HELQ: variants seen among roughly 807,000 people sequenced by gnomAD.
HELQ encodes helicase POLQ-like.
HELQ carries 77 observed loss-of-function variants against 111.6 expected under a neutral mutation model. The ratio of observed to expected loss-of-function variants is 0.69; its 90% CI spans 0.57 to 0.83. The LOEUF (loss-of-function observed/expected upper bound fraction) is 0.83, where lower values mean the gene tolerates loss of function less well. HELQ is among the 40% of genes least tolerant of loss of function. HELQ has a pLI of 0.00. For missense variants in HELQ, 1,200 were observed against 1,288.5 expected (o/e 0.93, Z 1.05); for synonymous variants, 438 against 454.7 (o/e 0.96, Z 0.47).
rs753086855 is a variant in HELQ, at chr4:83,453,334, C to G, written c.909G>C (p.Lys303Asn). The part of the protein sequence containing the change: ...TLLSEEINVA[K>N]KTVESSSNDL... The stretch of plus-strand genomic sequence containing the variant: ...CATTTGATGATGACTCAACTGTTTT[C>G]TTAGCAACATTAATTTCCTCAGATA... Residue 303 changes from lysine (K) to asparagine (N), a missense_variant, in exon 2 of 18, where the codon AAG becomes AAC. Lys to Asn is a moderately conservative substitution (Grantham distance 94). Around this residue, in one of 3 missense-constraint regions of HELQ, gnomAD observed 610 missense variants for 607.1 expected, o/e 1.00. Transcript: ENST00000295488. The G allele has an allele frequency of 6.2e-7, 1 of 1,613,644 alleles. No individual in the cohort carries two copies. Among genetic ancestry groups the G allele is most frequent in the East Asian group, 2.2e-5 (1 of 44,872 alleles).
intron 9 of HELQ, 96 bp from the exon 10 acceptor site, chr4:83,432,363 C>T (rs1452459062): frequency 1.2e-6 from 1 of 850,842 alleles, no homozygotes; most frequent in Non-Finnish European, 1.6e-6. Flanking sequence ...AATTTAATGA[C>T]ATACTAACAC....
Position 83,453,665 on chromosome 4 carries a change from T to C in HELQ, c.578A>G (p.Tyr193Cys). 1 of 1,614,184 alleles carries C rather than the reference T, an allele frequency of 6.2e-7. No individual in the cohort carries two copies. Among genetic ancestry groups the C allele is most frequent in the Non-Finnish European group, 8.5e-7 (1 of 1,180,008 alleles). ...VTIEPGADLL[Y>C]DVPSSQAIYF... The stretch of plus-strand genomic sequence containing the variant: ...TATAGCCTGTGAGGAAGGTACATCA[T>C]ACAAAAGATCAGCTCCAGGTTCAAT... The change falls in exon 2 of 18, where the codon TAT becomes TGT. Residue 193 changes from tyrosine (Y) to cysteine (C), a missense_variant. Physicochemically the swap from Tyr to Cys is radical, Grantham distance 194. Coordinates refer to ENST00000295488, the MANE Select transcript of HELQ (RefSeq NM_133636.5).
chr4:83,416,165 C>G (rs1578066436), intron 17 of HELQ, among the ~76,000 whole-genome samples: 1 of 151,878 alleles, frequency 6.6e-6, no homozygotes, highest in Middle Eastern at 3.4e-3. Flanking sequence ...CCAGGCTGGT[C>G]TCGAACTCCT....
At position 83,455,781 on chromosome 4, in the gene HELQ, C is replaced by A; in HGVS notation, c.-88G>T. 7.7e-7 allele frequency: 1 copy of A among 1,302,578 alleles called. No homozygotes were observed. 80.7% of individuals were successfully genotyped at this position (1,302,578 alleles called of 1,614,324 possible). On this transcript the variant is annotated 5_prime_UTR_variant, in exon 1 of 18. Transcript: ENST00000295488. ...GAAGGGAGAGTGGGACGCCGGAGCC[C>A]GCTTCTACATCCACCTTGGGAAAAG... is the stretch of plus-strand genomic sequence containing the variant.
Position 83,420,157 on chromosome 4 carries a change from C to G in HELQ, c.2949+1406G>C, listed in dbSNP as rs374890298. On this transcript the variant is annotated intron_variant, in intron 15 of 17. Transcript: ENST00000295488. ...TATCTGGATGTAAAAGCCTGGTAAGCTTTATTGTGCTATTTAAAGGAATTC... is the reference window on the plus strand; with the variant it reads ...TATCTGGATGTAAAAGCCTGGTAAGGTTTATTGTGCTATTTAAAGGAATTC... Among the ~76,000 whole-genome samples, 15 of 152,226 alleles carry G rather than the reference C, an allele frequency of 9.9e-5. 1 individual carries two copies. Among genetic ancestry groups the G allele is most frequent in the Admixed American group, 8.5e-4 (13 of 15,292 alleles).
rs753612557 is a variant in HELQ at position 83,429,598 on chromosome 4, T to A, written c.2444A>T (p.Asp815Val). The A allele has an allele frequency of 3.1e-6, 5 of 1,613,086 alleles. No individual in the cohort carries two copies. Among genetic ancestry groups the A allele is most frequent in the Non-Finnish European group, 4.2e-6 (5 of 1,179,310 alleles). The change falls in exon 12 of 18, where the codon GAC becomes GTC. Residue 815 changes from aspartate (D) to valine (V), a missense_variant. Coordinates refer to ENST00000295488, the MANE Select transcript of HELQ (RefSeq NM_133636.5). ...CTCTTCTTCAGACTTATAAATAGTG[T>A]CTTTTTGTAGGAGTCCTTTTTCTGT... ...YLTEKGLLQK[D>V]TIYKSEEEVQ...
chr4:83,410,458 G>T (rs77838456), intron 17 of HELQ, among the ~76,000 whole-genome samples: 2,865 of 151,820 alleles, frequency 0.019, 91 homozygotes, highest in African/African-American at 0.065. Context: ...TGTTTTTTTT[G>T]GAGTGGTATA....
chr4:83,424,092 TTAAGA>T lies in HELQ; in HGVS notation c.2775+1897_2775+1901del, dbSNP rs1253071592. The stretch of plus-strand genomic sequence containing the variant: ...AAACTAGTAATTAATCCATTTGTAA[TTAAGA>T]TAAGTTCATGTCCATACTATTTTAA... On this transcript the variant is annotated intron_variant, in intron 14 of 17. Transcript: ENST00000295488. Among the ~76,000 whole-genome samples, 5 of 152,304 alleles carry T rather than the reference TTAAGA, an allele frequency of 3.3e-5. No individual in the cohort carries two copies. In the East Asian group the frequency reaches 5.8e-4, roughly 18 times the overall value.
At chr4:83,439,401 G>A (rs138874402) in intron 8 of HELQ, among the ~76,000 whole-genome samples, 2,460 of 133,848 alleles carry the variant, frequency 0.018, 86 homozygotes, top group African/African-American at 0.066. Flanking sequence ...GCTGTGTCAC[G>A]CAGGCTGGAG....
intron 17 of HELQ, among the ~76,000 whole-genome samples, chr4:83,414,759 C>T (rs1295011319): frequency 2.0e-5 from 3 of 152,148 alleles, no homozygotes; most frequent in Non-Finnish European, 4.4e-5. Context: ...TAGAAAATCA[C>T]CTCTTGATAA....
chr4:83,453,291 A>G lies in HELQ; in HGVS notation c.952T>C (p.Ser318Pro). 6.2e-7 allele frequency: 1 copy of G among 1,613,866 alleles called. No individual in the cohort carries two copies. Among genetic ancestry groups the G allele is most frequent in the Middle Eastern group, 1.7e-4 (1 of 6,058 alleles). Residue 318 changes from serine (S) to proline (P), a missense_variant, in exon 2 of 18, where the codon TCA (serine) becomes CCA (proline). Coordinates refer to ENST00000295488, the MANE Select transcript of HELQ (RefSeq NM_133636.5). ...AGGTCTCTCACTTTGCTGGGTAATG[A>G]ATAAAAAGGACCAAGGTCATTTGAT... Reference protein sequence around the residue: ...SSSNDLGPFYSLPSKVRDLYA... With the variant: ...SSSNDLGPFYPLPSKVRDLYA...
chr4:83,419,726 C>T (rs115884699), intron 15 of HELQ, among the ~76,000 whole-genome samples: 2,874 of 151,960 alleles, frequency 0.019, 88 homozygotes, highest in African/African-American at 0.066. Context: ...TAAGAAAATA[C>T]ATTTTAAAGG....
At chr4:83,434,567 A>G (rs1192998968) in intron 9 of HELQ, among the ~76,000 whole-genome samples, 1 of 151,974 alleles carries the variant, frequency 6.6e-6, no homozygotes. Flanking sequence ...GGCTCAAGCA[A>G]TCTTCCCACC....
intron 15 of HELQ, among the ~76,000 whole-genome samples, chr4:83,421,056 C>A (rs190777821): frequency 6.6e-6 from 1 of 152,332 alleles, no homozygotes; most frequent in Admixed American, 6.5e-5. Context: ...AGTGATCCAC[C>A]TGCCTCAGCC....
intron 15 of HELQ, among the ~76,000 whole-genome samples, chr4:83,418,579 T>A (rs1250070917): frequency 6.6e-6 from 1 of 152,202 alleles, no homozygotes; most frequent in Admixed American, 6.5e-5. Flanking sequence ...AATATTCAAA[T>A]GTAACATGAT....
In HELQ at chr4:83,432,187, C is replaced by T. The variant is rs180763973; in HGVS notation, c.2129G>A (p.Arg710His). 32 of 1,602,042 alleles carry T rather than the reference C, an allele frequency of 2.0e-5. No homozygotes were observed. The Admixed American group carries it at 3.1e-4, about 15-fold the overall frequency. Residue 710 changes from arginine (R) to histidine (H), a missense_variant, in exon 10 of 18, where the codon CGT (arginine) becomes CAT (histidine). By Grantham distance (29) the Arg-to-His change is conservative (BLOSUM62 0). Around this residue, in one of 3 missense-constraint regions of HELQ, gnomAD observed 585 missense variants for 665.3 expected, o/e 0.88. Transcript: ENST00000295488. ...QYKQMIGRAG[R>H]AGIDTIGESI... is the part of the protein sequence containing the mutation. ...CTCCCCAATAGTATCTATTCCAGCA[C>T]GACCAGCTCTGCCAATCATCTGTTT... is the stretch of plus-strand genomic sequence containing the variant.
chr4:83,455,876 C>T, upstream of HELQ: 1 of 759,942 alleles, frequency 1.3e-6, no homozygotes, highest in Non-Finnish European at 2.2e-6. Context: ...CAATCATAAG[C>T]CTCACGTGAC....
intron 17 of HELQ, among the ~76,000 whole-genome samples, chr4:83,416,402 G>A (rs934631192): frequency 6.6e-6 from 1 of 151,734 alleles, no homozygotes; most frequent in African/African-American, 2.4e-5. Context: ...AAATTTTTTT[G>A]CAGAAACAGA....
intron 17 of HELQ, among the ~76,000 whole-genome samples, chr4:83,410,572 G>A (rs980452331): frequency 3.9e-5 from 6 of 152,080 alleles, no homozygotes; most frequent in African/African-American, 1.2e-4. Flanking sequence ...GAGAAAGGAA[G>A]TACAAATATG....
Sources: gnomAD v4.1 joint callset for allele counts (sites outside exome capture counted in the v4.1 genomes callset) on GRCh38, gnomAD v4.1.1 for gene constraint, gnomAD v4.1.1 regional missense constraint, MANE v1.5 for transcripts, NCBI Gene and HGNC (gene_info 2026-07-23, HGNC 2026-07-21) for gene names.